ZNF704: variants seen among roughly 807,000 people sequenced by gnomAD.
ZNF704 encodes the protein glucocorticoid induced gene 1.
ZNF704 carries 10 observed loss-of-function variants against 44.7 expected under a neutral mutation model. That is an observed-to-expected ratio of 0.22 (90% CI 0.14 to 0.38). The LOEUF (loss-of-function observed/expected upper bound fraction) is 0.38, where lower values mean the gene tolerates loss of function less well. Among genes scored for constraint, ZNF704 ranks in the 10% least tolerant of loss-of-function variants. ZNF704 has a pLI of 1.00. For missense variants in ZNF704, 390 were observed against 545.5 expected (o/e 0.71, Z 2.84); for synonymous variants, 211 against 207.6 (o/e 1.02, Z -0.14).
chr8:80,687,556 C>A, intron 3 of ZNF704, 98 bp from the exon 4 acceptor site: 4 of 871,446 alleles, frequency 4.6e-6, no homozygotes, highest in Non-Finnish European at 5.1e-6. Flanking sequence ...AGTGAAACCA[C>A]CCCAGCCCTC....
intron 5 of ZNF704, among the ~76,000 whole-genome samples, chr8:80,668,386 T>C (rs1180614492): frequency 6.6e-6 from 1 of 152,224 alleles, no homozygotes; most frequent in Non-Finnish European, 1.5e-5. Flanking sequence ...TAGCTCCATT[T>C]CCCCTGAGCT....
rs115680648 is a variant in ZNF704, at chr8:80,836,722, G to A, written c.-21-15107C>T. Among the ~76,000 whole-genome samples the A allele has an allele frequency of 5.1e-3, 777 of 152,228 alleles. 5 individuals are homozygous for A. The highest frequency in any genetic ancestry group is 0.018 in the African/African-American group (736 of 41,542). Reference sequence around the variant, plus strand: ...ATGACTTACTTTAGCCTAGGAAGTTGAGGCTGCAATGAGCTAAGATCACAC... The same window carrying A: ...ATGACTTACTTTAGCCTAGGAAGTTAAGGCTGCAATGAGCTAAGATCACAC... On this transcript the variant is annotated intron_variant, in intron 1 of 8. Coordinates refer to ENST00000327835, the MANE Select transcript of ZNF704 (RefSeq NM_001033723.3).
chr8:80,858,051 T>C (rs966228755), intron 1 of ZNF704, among the ~76,000 whole-genome samples: 3 of 152,184 alleles, frequency 2.0e-5, no homozygotes, highest in African/African-American at 7.2e-5. Flanking sequence ...AAAAATCCTT[T>C]AGTCACAGAA....
intron 4 of ZNF704, among the ~76,000 whole-genome samples, chr8:80,675,135 A>G (rs1193430333): frequency 6.6e-6 from 1 of 152,240 alleles, no homozygotes; most frequent in Non-Finnish European, 1.5e-5. Flanking sequence ...ACCATTTCAG[A>G]TATAGCATGA....
chr8:80,707,352 G>A (rs1352121861), intron 2 of ZNF704, among the ~76,000 whole-genome samples: 1 of 152,022 alleles, frequency 6.6e-6, no homozygotes, highest in Admixed American at 6.6e-5. Flanking sequence ...TTATAATATA[G>A]AGGTGGGTCC....
chr8:80,806,489 T>C (rs1807992511), intron 2 of ZNF704, among the ~76,000 whole-genome samples: 1 of 152,204 alleles, frequency 6.6e-6, no homozygotes, highest in Admixed American at 6.5e-5. Context: ...GTTTTTTTCT[T>C]TATGTGGACA....
intron 2 of ZNF704, among the ~76,000 whole-genome samples, chr8:80,755,456 AAAAC>A (rs1041046059): frequency 4.6e-5 from 7 of 152,136 alleles, no homozygotes; most frequent in Admixed American, 1.3e-4. Flanking sequence ...CTCCATCTCA[AAAAC>A]AAACAAACAA....
chr8:80,797,103 G>T (rs967878580), intron 2 of ZNF704, among the ~76,000 whole-genome samples: 1 of 151,254 alleles, frequency 6.6e-6, no homozygotes, highest in Admixed American at 6.6e-5. Flanking sequence ...CATAAAGCTG[G>T]AGAATAATCT....
rs576527992 is a variant in ZNF704, at chr8:80,804,321, T to C, written c.221+17053A>G. Among the ~76,000 whole-genome samples, 6 of 152,322 alleles carry C rather than the reference T, an allele frequency of 3.9e-5. No individual in the cohort carries two copies. In the East Asian group the frequency reaches 5.8e-4, roughly 15 times the overall value. On this transcript the variant is annotated intron_variant, in intron 2 of 8. Coordinates refer to ENST00000327835, the MANE Select transcript of ZNF704 (RefSeq NM_001033723.3). The stretch of plus-strand genomic sequence containing the variant: ...CCATTTAACCCAGCAATCCCATTAC[T>C]GGGTATATACTCAAGGGAATATAAG...
intron 2 of ZNF704, among the ~76,000 whole-genome samples, chr8:80,820,396 C>CT (rs147731123): frequency 0.035 from 5,221 of 151,136 alleles, 287 homozygotes; most frequent in African/African-American, 0.12. Context: ...TGACAAAGGC[C>CT]TTTTTTTTTA....
rs1817676610 is a variant in ZNF704, at chr8:80,637,170, C to T, written c.*4196G>A. ...CTATGCCTCACAAATGTCAGTACTG[C>T]CCAGTTCACATAAATTTGTCTTGAA... On this transcript the variant is annotated 3_prime_UTR_variant, in exon 9 of 9. Transcript: ENST00000327835. 6.6e-6 allele frequency: 1 copy of T among 151,440 alleles called. No individual in the cohort carries two copies. The highest frequency in any genetic ancestry group is 2.1e-4 in the South Asian group (1 of 4,798). 9.4% of individuals were successfully genotyped at this position (151,440 alleles called of 1,614,324 possible).
At chr8:80,731,068 TTA>T (rs1345956329) in intron 2 of ZNF704, among the ~76,000 whole-genome samples, 1 of 152,234 alleles carries the variant, frequency 6.6e-6, no homozygotes, top group East Asian at 1.9e-4. Flanking sequence ...AGTTATATTC[TTA>T]TGTTTGCCAC....
At chr8:80,826,512 C>A (rs1808378904) in intron 1 of ZNF704, among the ~76,000 whole-genome samples, 1 of 152,170 alleles carries the variant, frequency 6.6e-6, no homozygotes, top group Non-Finnish European at 1.5e-5. Context: ...GGAGCTGGTA[C>A]CATTCCTTCT....
Position 80,630,964 on chromosome 8 carries a change from AGTAT to A in ZNF704, c.*10398_*10401del. 6.6e-6 allele frequency: 1 copy of A among 152,202 alleles called. No homozygotes were observed. Among genetic ancestry groups the A allele is most frequent in the Admixed American group, 6.5e-5 (1 of 15,282 alleles). The allele number at this position is 152,202 out of a possible 1,614,324, so 9.4% of individuals were successfully genotyped here. ...TTTCAGTTATCGAAGTCATGGGACT[AGTAT>A]GTTTTGGAGATTTTTTAGTTCTTCC... is the stretch of plus-strand genomic sequence containing the variant. On this transcript the variant is annotated 3_prime_UTR_variant, in exon 9 of 9. Coordinates refer to ENST00000327835, the MANE Select transcript of ZNF704 (RefSeq NM_001033723.3).
intron 2 of ZNF704, among the ~76,000 whole-genome samples, chr8:80,779,735 A>G (rs538382893): frequency 1.1e-4 from 17 of 152,016 alleles, no homozygotes; most frequent in African/African-American, 4.1e-4. Context: ...GCATTTTAAA[A>G]TTATATTTTC....
At chr8:80,861,613 G>A (rs1346844823) in intron 1 of ZNF704, among the ~76,000 whole-genome samples, 2 of 152,056 alleles carry the variant, frequency 1.3e-5, no homozygotes. Context: ...AAGAGACAGA[G>A]ACAGACAGAG....
chr8:80,664,646 G>A (rs1396742178), intron 6 of ZNF704, among the ~76,000 whole-genome samples, 169 bp downstream of exon 6: 1 of 152,184 alleles, frequency 6.6e-6, no homozygotes, highest in Non-Finnish European at 1.5e-5. Context: ...CTAGACCATA[G>A]GACCCTATCT....
At chr8:80,743,547 C>T (rs1271240903) in intron 2 of ZNF704, among the ~76,000 whole-genome samples, 2 of 152,226 alleles carry the variant, frequency 1.3e-5, no homozygotes, top group Admixed American at 6.5e-5. Context: ...TGGGCTTCAG[C>T]GCTGAGAGCA....
At chr8:80,689,424 A>C (rs1818595365) in intron 3 of ZNF704, among the ~76,000 whole-genome samples, 1 of 152,112 alleles carries the variant, frequency 6.6e-6, no homozygotes, top group Non-Finnish European at 1.5e-5. Flanking sequence ...CATCAACAAA[A>C]CCAAACTAGC....
Sources: gnomAD v4.1 joint callset for allele counts (sites outside exome capture counted in the v4.1 genomes callset) on GRCh38, gnomAD v4.1.1 for gene constraint, MANE v1.5 for transcripts, NCBI Gene and HGNC (gene_info 2026-07-23, HGNC 2026-07-21) for gene names.